FARP1: variants seen among roughly 807,000 people sequenced by gnomAD.
FARP1 encodes the protein FERM, ARHGEF and pleckstrin domain-containing protein 1.
FARP1 carries 52 observed loss-of-function variants against 128.8 expected under a neutral mutation model. The ratio of observed to expected loss-of-function variants is 0.40; its 90% CI spans 0.32 to 0.51. The LOEUF (loss-of-function observed/expected upper bound fraction) is 0.51. Ranked by LOEUF, FARP1 falls within the 20% of genes least tolerant of loss-of-function variation. FARP1 has a pLI of 0.45. For synonymous variants in FARP1, 580 were observed against 551.8 expected (o/e 1.05, Z -0.72); for missense variants, 1,333 against 1,367.9 (o/e 0.97, Z 0.40).
chr13:98,209,298 G>A (rs374242497), intron 1 of FARP1, among the ~76,000 whole-genome samples: 1 of 151,372 alleles, frequency 6.6e-6, no homozygotes, highest in Non-Finnish European at 1.5e-5. Flanking sequence ...GTGAGCCACC[G>A]CGCCCAGCCA....
At chr13:98,230,404 A>G (rs988681919) in intron 2 of FARP1, among the ~76,000 whole-genome samples, 11 of 152,258 alleles carry the variant, frequency 7.2e-5, no homozygotes, top group Admixed American at 4.6e-4. Flanking sequence ...AAAAGCTTCC[A>G]TCAGTCAACC....
At chr13:98,391,687 A>C (rs1234593107) in intron 11 of FARP1, among the ~76,000 whole-genome samples, 2 of 152,312 alleles carry the variant, frequency 1.3e-5, no homozygotes, top group East Asian at 3.9e-4. Context: ...TCTTCACCTC[A>C]GCTCTGTGAG....
chr13:98,388,342 T>C (rs746249088), intron 8 of FARP1, 41 bp from the exon 9 acceptor site: 2 of 1,481,678 alleles, frequency 1.3e-6, no homozygotes, highest in African/African-American at 1.4e-5. Context: ...AAGTTGCTTG[T>C]TATGCATTTC....
At chr13:98,320,188 G>T (rs1238710068) in intron 2 of FARP1, among the ~76,000 whole-genome samples, 1 of 152,120 alleles carries the variant, frequency 6.6e-6, no homozygotes, top group Non-Finnish European at 1.5e-5. Flanking sequence ...TCATACGTGG[G>T]CCTGGAGTCA....
Position 98,321,294 on chromosome 13 carries a change from G to A in FARP1, c.172-22468G>A, listed in dbSNP as rs549429690. ...TGTGGAGTCGTGGAGAAACTCAGCC[G>A]GATCATCTCATGGCCAATGAGTTAA... On this transcript the variant is annotated intron_variant, in intron 2 of 26. Coordinates refer to ENST00000319562, the MANE Select transcript of FARP1 (RefSeq NM_005766.4). Among the ~76,000 whole-genome samples, 3 of 152,284 alleles carry A rather than the reference G, an allele frequency of 2.0e-5. No homozygotes were observed. In the East Asian group the frequency reaches 5.8e-4, roughly 29 times the overall value.
At chr13:98,177,037 C>T (rs1376475304) in intron 1 of FARP1, 4 of 1,593,766 alleles carry the variant, frequency 2.5e-6, no homozygotes, top group East Asian at 2.2e-5. Context: ...GTGGAGGCCC[C>T]GGGGCCTCGG....
chr13:98,224,251 G>A (rs1011575787), intron 2 of FARP1, among the ~76,000 whole-genome samples: 1 of 152,164 alleles, frequency 6.6e-6, no homozygotes, highest in African/African-American at 2.4e-5. Context: ...GTTACGGCCA[G>A]GCGTGGTGGC....
At chr13:98,143,529 G>GGGCGGGGGCC (rs1355976995) in intron 1 of FARP1, 37 bp downstream of exon 1, 1 of 150,256 alleles carries the variant, frequency 6.7e-6, no homozygotes, top group African/African-American at 2.4e-5. Context: ...CGCGGCGGGA[G>GGGCGGGGGCC]GGCGGGGGCC....
intron 2 of FARP1, among the ~76,000 whole-genome samples, chr13:98,246,434 T>A (rs985865528): frequency 6.6e-6 from 1 of 152,174 alleles, no homozygotes; most frequent in South Asian, 2.1e-4. Context: ...TCAGCAAAAA[T>A]AAGCTTAGTC....
At chr13:98,175,057 C>T (rs577237436) in intron 1 of FARP1, among the ~76,000 whole-genome samples, 50 of 152,222 alleles carry the variant, frequency 3.3e-4, no homozygotes, top group African/African-American at 1.1e-3. Flanking sequence ...CTTGCATAGC[C>T]GACTGCTAGG....
chr13:98,266,271 A>G (rs1008206545), intron 2 of FARP1, among the ~76,000 whole-genome samples: 4 of 152,162 alleles, frequency 2.6e-5, no homozygotes, highest in Admixed American at 2.0e-4. Context: ...ATCCATCTGA[A>G]AAGCCGCGAG....
chr13:98,184,777 G>A (rs1334643787), intron 1 of FARP1, among the ~76,000 whole-genome samples: 1 of 152,174 alleles, frequency 6.6e-6, no homozygotes, highest in Non-Finnish European at 1.5e-5. Flanking sequence ...TTCTAGTACC[G>A]TGTCTACTCT....
intron 2 of FARP1, among the ~76,000 whole-genome samples, chr13:98,317,980 C>CCT (rs1555337049): frequency 2.0e-5 from 3 of 146,900 alleles, no homozygotes; most frequent in African/African-American, 5.1e-5. Flanking sequence ...TCCTTCCTCT[C>CCT]TCCTTCCTCT....
chr13:98,242,823 G>A (rs756608149), intron 2 of FARP1, among the ~76,000 whole-genome samples: 21 of 152,226 alleles, frequency 1.4e-4, no homozygotes, highest in Non-Finnish European at 2.8e-4. Context: ...TTTTGGAAGA[G>A]AATAAGATTT....
chr13:98,222,852 G>A (rs1881504458), intron 2 of FARP1, among the ~76,000 whole-genome samples: 1 of 149,348 alleles, frequency 6.7e-6, no homozygotes, highest in South Asian at 2.1e-4. Flanking sequence ...TGGCCAGGAT[G>A]GTCTTGGTCT....
intron 17 of FARP1, 117 bp downstream of exon 17, chr13:98,424,767 A>G (rs972288300): frequency 1.2e-5 from 9 of 741,328 alleles, no homozygotes; most frequent in African/African-American, 1.7e-5. Context: ...TTGACTCTCT[A>G]CACCAAGCTT....
chr13:98,368,128 G>A lies in FARP1; in HGVS notation c.331G>A (p.Val111Ile), dbSNP rs377656768. 2.4e-5 allele frequency: 39 copies of A among 1,613,470 alleles called. No individual in the cohort carries two copies. Among genetic ancestry groups the A allele is most frequent in the African/African-American group, 5.3e-5 (4 of 74,904 alleles). The change falls in exon 5 of 27, where the codon GTT becomes ATT. Residue 111 changes from valine to isoleucine, a missense_variant. Val to Ile is a conservative substitution (Grantham distance 29, BLOSUM62 3). Around this residue, in one of 2 missense-constraint regions of FARP1, gnomAD observed 324 missense variants for 398.1 expected, o/e 0.81. Coordinates refer to ENST00000319562, the MANE Select transcript of FARP1 (RefSeq NM_005766.4). ...IVKQIRRPKH[V>I]VVKFVVKFFP... ...TTCTTCTTCTTTAGGGCCAAAGCACGTTGTTGTTAAGTTTGTGGTGAAATT... is the reference window on the plus strand; with the variant it reads ...TTCTTCTTCTTTAGGGCCAAAGCACATTGTTGTTAAGTTTGTGGTGAAATT...
At chr13:98,177,919 ACAAG>A (rs1878214216) in intron 1 of FARP1, 1 of 152,182 alleles carries the variant, frequency 6.6e-6, no homozygotes, top group Non-Finnish European at 1.5e-5. Flanking sequence ...AAAAACAGAT[ACAAG>A]CAAAAAGTAA....
chr13:98,393,453 A>G (rs1890389422), intron 11 of FARP1, among the ~76,000 whole-genome samples, 190 bp from the exon 12 acceptor site: 1 of 152,244 alleles, frequency 6.6e-6, no homozygotes, highest in Non-Finnish European at 1.5e-5. Flanking sequence ...TAACCCTTGA[A>G]CCATGCAAGT....
Sources: allele counts gnomAD v4.1 joint callset (sites outside exome capture counted in the v4.1 genomes callset), GRCh38; gene constraint gnomAD v4.1.1; regional missense constraint gnomAD v4.1.1; transcripts MANE v1.5; gene names NCBI Gene and HGNC (gene_info 2026-07-23, HGNC 2026-07-21).